Variants in PIEZO1 observed in about 807,000 individuals in gnomAD.
PIEZO1 encodes the protein piezo-type mechanosensitive ion channel component 1.
Under a neutral mutation model 297.2 loss-of-function variants are expected in PIEZO1, and 296 were observed. The observed-to-expected ratio is 1.00, with a 90% CI of 0.91 to 1.10. PIEZO1 has a LOEUF of 1.10. Among genes scored for constraint, PIEZO1 ranks in the 50% least tolerant of loss-of-function variants. PIEZO1 has a pLI of 0.00. For synonymous variants in PIEZO1, 2,427 were observed against 1,507.5 expected (o/e 1.61, Z -14.13); for missense variants, 5,018 against 3,455.5 (o/e 1.45, Z -11.34).
intron 2 of PIEZO1, chr16:88,745,013 C>T (rs1030124399): frequency 6.6e-6 from 1 of 152,144 alleles, no homozygotes; most frequent in African/African-American, 2.4e-5. Flanking sequence ...AGCATGACCT[C>T]AAGGGGTCGG....
chr16:88,738,607 C>T lies in PIEZO1; in HGVS notation c.595G>A (p.Ala199Thr). The change falls in exon 6 of 51, where the codon GCT (alanine) becomes ACT (threonine). Residue 199 changes from alanine (A) to threonine (T), a missense_variant. Ala to Thr is a moderately conservative substitution (Grantham distance 58, BLOSUM62 0). Coordinates refer to ENST00000301015, the MANE Select transcript of PIEZO1 (RefSeq NM_001142864.4). ...AGTGTTACGGCCAGGACCCGCCCAG[C>T]CGCCACCAGCAGCCAGTGGGCCGTG... is the stretch of plus-strand genomic sequence containing the variant. ...RVTAHWLLVA[A>T]GRVLAVTLLA... The T allele has an allele frequency of 6.5e-7, 1 of 1,535,632 alleles. No individual in the cohort carries two copies.
intron 2 of PIEZO1, chr16:88,742,911 G>C (rs2142846335): frequency 2.7e-6 from 1 of 373,544 alleles, no homozygotes; most frequent in South Asian, 1.9e-5. Context: ...AAGTGGGGCA[G>C]GCAGCTGCCT....
In PIEZO1 at chr16:88,715,821, G is replaced by C. The variant is rs1911969892; in HGVS notation, c.7350C>G (p.Val2450=). The change falls in exon 51 of 51, where the codon GTC becomes GTG. Residue 2450 remains valine, a synonymous_variant. Transcript: ENST00000301015. ...AGAATCCGCGCACGAACTTGCCGAT[G>C]ACCAGCACGATGGACACGTACAGCC... ...IMGLYVSIVL[V]IGKFVRGFFS... 3 of 1,550,172 alleles carry C rather than the reference G, an allele frequency of 1.9e-6. 1 individual carries two copies. In the South Asian group the frequency reaches 3.6e-5, roughly 18 times the overall value.
intron 1 of PIEZO1, among the ~76,000 whole-genome samples, chr16:88,753,241 C>T (rs1597474658): frequency 1.6e-5 from 1 of 63,814 alleles, no homozygotes; most frequent in Non-Finnish European, 3.0e-5. Flanking sequence ...CACACCAGCC[C>T]CCCCAGAGCG....
At chr16:88,734,567 C>A (rs1256299680) in intron 15 of PIEZO1, 29 bp from the exon 16 acceptor site, 4 of 1,544,152 alleles carry the variant, frequency 2.6e-6, no homozygotes, top group Non-Finnish European at 2.6e-6. Context: ...AGCACCGGCC[C>A]GGCCCCCGGC....
intron 12 of PIEZO1, 82 bp from the exon 13 acceptor site, chr16:88,735,328 G>A (rs1905138375): frequency 3.1e-6 from 3 of 981,310 alleles, no homozygotes; most frequent in Admixed American, 4.0e-5. Context: ...CCCTCCTATA[G>A]CAGGGGGCAA....
chr16:88,749,097 A>G (rs919151400), intron 2 of PIEZO1, among the ~76,000 whole-genome samples: 59 of 149,236 alleles, frequency 4.0e-4, no homozygotes, highest in South Asian at 2.8e-3. Context: ...AAAATAAGCC[A>G]GGCGTGGTGG....
intron 5 of PIEZO1, 153 bp from the exon 6 acceptor site, chr16:88,738,889 G>C (rs983201019): frequency 4.5e-6 from 3 of 667,024 alleles, no homozygotes; most frequent in South Asian, 3.8e-5. Context: ...ACAGGCCCCA[G>C]CCGTCCCTGA....
chr16:88,722,796 C>T, intron 34 of PIEZO1, 41 bp downstream of exon 34: 1 of 1,535,356 alleles, frequency 6.5e-7, no homozygotes, highest in Non-Finnish European at 8.7e-7. Flanking sequence ...GGGGCGTAGT[C>T]AGGCAGAGCA....
Position 88,721,240 on chromosome 16 carries a change from T to G in PIEZO1, c.5594A>C (p.Asp1865Ala), listed in dbSNP as rs1190154874. ...AAAACGTAGACTGATGCGCCTCGTA[T>G]CACGGGGCCTGAGCTCCACTTGGGG... is the stretch of plus-strand genomic sequence containing the variant. ...PEPQVELRPR[D>A]TRRISLRFRR... Residue 1865 changes from aspartate to alanine, a missense_variant, in exon 39 of 51, where the codon GAT (aspartate) becomes GCT (alanine). Transcript: ENST00000301015. The G allele has an allele frequency of 1.3e-6, 2 of 1,541,236 alleles. No individual in the cohort carries two copies. The highest frequency in any genetic ancestry group is 2.4e-5 in the South Asian group (2 of 84,012).
chr16:88,734,229 G>C (rs1213994163), intron 16 of PIEZO1, 127 bp downstream of exon 16: 4 of 1,195,170 alleles, frequency 3.3e-6, no homozygotes, highest in African/African-American at 1.5e-5. Context: ...CATCCCCTTG[G>C]TATGAGCAAA....
intron 1 of PIEZO1, among the ~76,000 whole-genome samples, chr16:88,752,181 G>A (rs909072460): frequency 3.3e-5 from 5 of 152,194 alleles, no homozygotes; most frequent in Admixed American, 6.6e-5. Context: ...CCTTCAATGC[G>A]GCTAACGTGA....
intron 22 of PIEZO1, chr16:88,731,459 T>C (rs1904801320): frequency 3.7e-6 from 2 of 535,732 alleles, no homozygotes; most frequent in Non-Finnish European, 6.7e-6. Flanking sequence ...GTTTGAAATA[T>C]TTCAAGATAG....
At chr16:88,773,813 G>C (rs926757410) in intron 1 of PIEZO1, among the ~76,000 whole-genome samples, 4 of 152,066 alleles carry the variant, frequency 2.6e-5, no homozygotes, top group African/African-American at 4.8e-5. Flanking sequence ...CTCCTGGGTG[G>C]TCTTAGGAAG....
intron 34 of PIEZO1, 55 bp from the exon 35 acceptor site, chr16:88,722,744 G>T: frequency 1.3e-6 from 2 of 1,529,216 alleles, no homozygotes; most frequent in South Asian, 2.4e-5. Flanking sequence ...CCCCACACGG[G>T]GTTTCGTGCA....
In PIEZO1 at chr16:88,721,763, C is replaced by T. The variant is rs547160546; in HGVS notation, c.5215-37G>A. 5.8e-5 allele frequency: 89 copies of T among 1,534,794 alleles called. No individual in the cohort carries two copies. In the African/African-American group the frequency reaches 6.7e-4, roughly 12 times the overall value. ...GGGGCTCAGCACGCGGGGAGGGTCA[C>T]GGCGCGGTGGGCCGGGCGCCCCCTC... On this transcript the variant is annotated intron_variant, in intron 37 of 50. Coordinates refer to ENST00000301015, the MANE Select transcript of PIEZO1 (RefSeq NM_001142864.4).
chr16:88,757,857 G>A (rs967082102), intron 1 of PIEZO1, among the ~76,000 whole-genome samples: 1 of 152,152 alleles, frequency 6.6e-6, no homozygotes, highest in Non-Finnish European at 1.5e-5. Flanking sequence ...GACTCCCCCA[G>A]CAGCCTCAGC....
At chr16:88,721,494 A>AGGGCCTGCCC in intron 38 of PIEZO1, 44 bp downstream of exon 38, 2 of 1,538,520 alleles carry the variant, frequency 1.3e-6, no homozygotes, top group Non-Finnish European at 1.8e-6. Context: ...AGGTGCCCAG[A>AGGGCCTGCCC]GGGCCTGCCC....
At position 88,756,392 on chromosome 16, in the gene PIEZO1, G is replaced by A. The variant is rs1276515591; in HGVS notation, c.65-6913C>T. On this transcript the variant is annotated intron_variant, in intron 1 of 50. Coordinates refer to ENST00000301015, the MANE Select transcript of PIEZO1 (RefSeq NM_001142864.4). ...ACTGGCCACTGATGGGGCGGGGTGG[G>A]CTAATGGACCGGAAGGATCTCGTGT... Among the ~76,000 whole-genome samples the A allele has an allele frequency of 3.3e-5, 5 of 152,184 alleles. 1 individual carries two copies. The South Asian group carries it at 8.3e-4, about 25-fold the overall frequency.
Sources: gnomAD v4.1 joint callset for allele counts (sites outside exome capture counted in the v4.1 genomes callset) on GRCh38, gnomAD v4.1.1 for gene constraint, MANE v1.5 for transcripts, NCBI Gene and HGNC (gene_info 2026-07-23, HGNC 2026-07-21) for gene names.